The following RFC2 variants were observed in gnomAD, a reference collection of about 807,000 sequenced individuals.
RFC2 encodes A1 40 kDa subunit.
A neutral mutation model predicts 44.8 loss-of-function variants in RFC2; 34 were observed. That is an observed-to-expected ratio of 0.76 (90% CI 0.58 to 1.01). The LOEUF (loss-of-function observed/expected upper bound fraction) is 1.01, where lower values mean the gene tolerates loss of function less well. Ranked by LOEUF, RFC2 falls within the 50% of genes least tolerant of loss-of-function variation. The pLI is 0.00. For synonymous variants in RFC2, 177 were observed against 168.9 expected, an observed-to-expected ratio of 1.05 and a Z score of -0.37; for missense variants, 400 against 453.6, an observed-to-expected ratio of 0.88 and a Z score of 1.07.
chr7:74,245,666 T>C (rs1277329328), intron 5 of RFC2, among the ~76,000 whole-genome samples: 1 of 149,242 alleles, frequency 6.7e-6, no homozygotes, highest in African/African-American at 2.5e-5. Context: ...TGAGCCAAGA[T>C]TGCGCCACTG....
In RFC2 at chr7:74,239,035, C is replaced by A. The variant is rs201433525; in HGVS notation, c.694-47G>T. 1.2e-4 allele frequency: 178 copies of A among 1,502,206 alleles called. No individual in the cohort carries two copies. In the African/African-American group the frequency reaches 2.1e-3, roughly 18 times the overall value. The allele number at this position is 1,502,206 out of a possible 1,614,324, so 93.1% of individuals were successfully genotyped here. On this transcript the variant is annotated intron_variant, in intron 7 of 10. Coordinates refer to ENST00000055077, the MANE Select transcript of RFC2 (RefSeq NM_181471.3). ...TCAAGGATGATTTTTATATTTATTT[C>A]TTTTTGAGTAGAGACAGGAGTCTCG... is the stretch of plus-strand genomic sequence containing the variant.
At chr7:74,247,048 A>G (rs1473829385) in intron 4 of RFC2, among the ~76,000 whole-genome samples, 4 of 140,562 alleles carry the variant, frequency 2.8e-5, no homozygotes, top group African/African-American at 1.1e-4. Context: ...CTCTTGGCTC[A>G]CTGCAAGCTC....
rs1261911954 is a variant in RFC2, at chr7:74,240,521, A to AAG, written c.536-428_536-427dup. Among the ~76,000 whole-genome samples the AAG allele has an allele frequency of 2.7e-3, 399 of 146,900 alleles. 10 individuals are homozygous for AAG. The highest frequency in any genetic ancestry group is 3.4e-3 in the Middle Eastern group (1 of 294). ...TGTCTCCAAAAAAAAAAAAAAAAAA[A>AAG]AGAGAGAGAGAGAGACTTGGTAAAC... On this transcript the variant is annotated intron_variant, in intron 6 of 10. Coordinates refer to ENST00000055077, the MANE Select transcript of RFC2 (RefSeq NM_181471.3).
intron 10 of RFC2, among the ~76,000 whole-genome samples, chr7:74,233,043 G>C (rs914502065): frequency 1.3e-5 from 2 of 151,290 alleles, no homozygotes; most frequent in African/African-American, 4.9e-5. Flanking sequence ...CAAACTCTAC[G>C]AAAAAAAGAA....
chr7:74,233,595 GTTTT>G (rs79258549), intron 10 of RFC2, among the ~76,000 whole-genome samples: 45 of 124,432 alleles, frequency 3.6e-4, no homozygotes, highest in African/African-American at 7.7e-4. Context: ...GTTGTTATTG[GTTTT>G]TTTTTTTTTT....
chr7:74,248,630 T>C (rs1317101468), intron 4 of RFC2, among the ~76,000 whole-genome samples: 1 of 151,764 alleles, frequency 6.6e-6, no homozygotes, highest in East Asian at 1.9e-4. Flanking sequence ...ACCTCCTGAG[T>C]AGCTGGGATT....
chr7:74,239,112 C>T, intron 7 of RFC2, 124 bp from the exon 8 acceptor site: 1 of 720,146 alleles, frequency 1.4e-6, no homozygotes, highest in Non-Finnish European at 2.4e-6. Context: ...ATTCTCCCAC[C>T]TCCGCCTCCC....
intron 10 of RFC2, among the ~76,000 whole-genome samples, chr7:74,233,006 G>T (rs1383760849): frequency 1.3e-5 from 2 of 152,066 alleles, no homozygotes; most frequent in Non-Finnish European, 2.9e-5. Flanking sequence ...CTTGCCCAGA[G>T]TTGGGCCTGG....
intron 9 of RFC2, among the ~76,000 whole-genome samples, chr7:74,236,983 T>TAAAC (rs1270800440): frequency 6.6e-6 from 1 of 151,682 alleles, no homozygotes; most frequent in Admixed American, 6.6e-5. Flanking sequence ...AATAAATAAA[T>TAAAC]AAACAAACAC....
intron 4 of RFC2, among the ~76,000 whole-genome samples, chr7:74,247,633 CTG>C (rs1554720289): frequency 6.6e-6 from 1 of 151,630 alleles, no homozygotes; most frequent in Non-Finnish European, 1.5e-5. Flanking sequence ...GAGCAAGACT[CTG>C]TCTCAAAAAA....
In RFC2 at chr7:74,231,613, T is replaced by C. The variant is rs1802726856; in HGVS notation, c.*493A>G. 2 of 154,448 alleles carry C rather than the reference T, an allele frequency of 1.3e-5. No homozygotes were observed. The highest frequency in any genetic ancestry group is 2.9e-5 in the Non-Finnish European group (2 of 69,422). 9.6% of individuals were successfully genotyped at this position (154,448 alleles called of 1,614,324 possible). A position where few individuals can be genotyped will look rare whatever the true frequency, so the allele number is the denominator to read the frequency against. ...CCGCCCCGTCACCGCATCAATGGGG[T>C]GGAGGCCAAACTCAAACACTTGCGG... On this transcript the variant is annotated 3_prime_UTR_variant, in exon 11 of 11. Transcript: ENST00000055077.
At position 74,232,204 on chromosome 7, in the gene RFC2, T is replaced by C. The variant is rs782807091; in HGVS notation, c.967A>G (p.Thr323Ala). The C allele has an allele frequency of 1.9e-6, 3 of 1,604,354 alleles. No individual in the cohort carries two copies. The Admixed American group carries it at 5.0e-5, about 27-fold the overall frequency. ...ACTCCTTCCGCTATTTTCATGTGAG[T>C]GTATCCAATTTCCTGAAAAACAAAC... ...KLEFIKEIGYTHMKIAEGVNS... is the reference protein window; with the variant it reads ...KLEFIKEIGYAHMKIAEGVNS... Residue 323 changes from threonine (T) to alanine (A), a missense_variant, in exon 11 of 11, where the codon ACT (threonine) becomes GCT (alanine). By Grantham distance (58) the Thr-to-Ala change is moderately conservative. Transcript: ENST00000055077.
chr7:74,234,711 G>A (rs978796726), intron 10 of RFC2, among the ~76,000 whole-genome samples: 2 of 152,038 alleles, frequency 1.3e-5, no homozygotes, highest in Admixed American at 1.3e-4. Flanking sequence ...GGTCCCTGGA[G>A]AGCTGGCTGT....
chr7:74,249,720 C>A lies in RFC2; in HGVS notation c.225+19G>T. 2.5e-6 allele frequency: 4 copies of A among 1,609,464 alleles called. No individual in the cohort carries two copies. Among genetic ancestry groups the A allele is most frequent in the South Asian group, 1.1e-5 (1 of 90,982 alleles). On this transcript the variant is annotated intron_variant, in intron 3 of 10. Transcript: ENST00000055077. ...ATGAGACATGGAGACACTCAACAGG[C>A]CCAGGGCTGGGTACTCACCGCAATG...
At chr7:74,251,125 C>A (rs1475119067) in intron 2 of RFC2, among the ~76,000 whole-genome samples, 1 of 151,682 alleles carries the variant, frequency 6.6e-6, no homozygotes, top group East Asian at 2.0e-4. Flanking sequence ...TCCTTGACTC[C>A]TCCCTGCCCT....
rs181523925 is a variant in RFC2 at position 74,236,696 on chromosome 7, C to G, written c.840+666G>C. Among the ~76,000 whole-genome samples, 3 of 152,320 alleles carry G rather than the reference C, an allele frequency of 2.0e-5. No homozygotes were observed. In the East Asian group the frequency reaches 5.8e-4, roughly 29 times the overall value. Reference sequence around the variant, plus strand: ...GAAGATGGCTTCCCTGGAGAAGGAGCTAGGCTGGTCTTTCCTCCTGACTTT... The same window carrying G: ...GAAGATGGCTTCCCTGGAGAAGGAGGTAGGCTGGTCTTTCCTCCTGACTTT... On this transcript the variant is annotated intron_variant, in intron 9 of 10. Transcript: ENST00000055077.
In RFC2 at chr7:74,238,299, AG is replaced by A. The variant is rs1167924053; in HGVS notation, c.759+623del. Among the ~76,000 whole-genome samples, 1 of 152,050 alleles carries A rather than the reference AG, an allele frequency of 6.6e-6. No homozygotes were observed. The highest frequency in any genetic ancestry group is 1.5e-5 in the Non-Finnish European group (1 of 68,000). ...CCTTCCCAGTTTCTTCCCCCAAATA[AG>A]GGGGAAGTGAATCTCTCAAATGGCA... On this transcript the variant is annotated intron_variant, in intron 8 of 10. Coordinates refer to ENST00000055077, the MANE Select transcript of RFC2 (RefSeq NM_181471.3). The surrounding 1 kb of genome is among the most constrained non-coding windows in gnomAD (Gnocchi z 4.0).
At chr7:74,244,136 C>T (rs940909421) in intron 5 of RFC2, among the ~76,000 whole-genome samples, 2 of 148,492 alleles carry the variant, frequency 1.3e-5, no homozygotes, top group African/African-American at 2.5e-5. Context: ...GGCGTGGTGG[C>T]GCACGTCTGT....
rs1176222528 is a variant in RFC2 at position 74,245,029 on chromosome 7, AT to A, written c.434+1632del. On this transcript the variant is annotated intron_variant, in intron 5 of 10. Transcript: ENST00000055077. ...ATATTCTTTTCTTAATGTCATTTCAATTTTTTTTTTTTTTTTGAGATGGAGT... is the reference window on the plus strand; with the variant it reads ...ATATTCTTTTCTTAATGTCATTTCAATTTTTTTTTTTTTTTGAGATGGAGT... 8.7e-3 allele frequency among the ~76,000 whole-genome samples: 1,220 copies of A among 140,208 alleles called. 8 individuals carry two copies. Among genetic ancestry groups the A allele is most frequent in the African/African-American group, 0.024 (939 of 38,370 alleles). The allele number at this position is 140,208 out of a possible 152,430, so 92.0% of individuals were successfully genotyped here.
Sources: gnomAD v4.1 joint callset for allele counts (sites outside exome capture counted in the v4.1 genomes callset) on GRCh38, gnomAD v4.1.1 for gene constraint, Gnocchi (gnomAD v3.1) non-coding constraint, MANE v1.5 for transcripts, NCBI Gene and HGNC (gene_info 2026-07-23, HGNC 2026-07-21) for gene names.